The following SCPPPQ1 variants were observed in gnomAD, a reference collection of about 807,000 sequenced individuals.
The protein encoded by SCPPPQ1 is secretory calcium-binding phosphoprotein proline- and glutamine-rich 1.
chr4:87,461,021 T>C, the SCPPPQ1 span: 2 of 152,656 alleles, frequency 1.3e-5, no homozygotes, highest in Non-Finnish European at 2.9e-5. Context: ...GTTTCAGATA[T>C]TCCTAGAGGA....
At chr4:87,468,716 T>C in the SCPPPQ1 span, among the ~76,000 whole-genome samples, 1 of 152,238 alleles carries the variant, frequency 6.6e-6, no homozygotes, top group East Asian at 1.9e-4. Context: ...CAAATTGTGT[T>C]TTTAAGACAC....
the SCPPPQ1 span, among the ~76,000 whole-genome samples, chr4:87,465,559 CAAAAAAAAAAAAAAA>C: frequency 6.0e-4 from 59 of 98,302 alleles, no homozygotes; most frequent in Admixed American, 1.8e-3. Context: ...TAGAAATCTA[CAAAAAAAAAAAAAAA>C]AAAAAAAAAA....
the SCPPPQ1 span, among the ~76,000 whole-genome samples, chr4:87,466,802 G>A: frequency 6.6e-6 from 1 of 152,050 alleles, no homozygotes; most frequent in African/African-American, 2.4e-5. Flanking sequence ...GAGGTGGGAG[G>A]ATCACTTGAG....
At chr4:87,463,324 A>C in the SCPPPQ1 span, among the ~76,000 whole-genome samples, 1 of 116,636 alleles carries the variant, frequency 8.6e-6, no homozygotes, top group Admixed American at 8.0e-5. Flanking sequence ...AAGTTAAAAA[A>C]AAAAACAACA....
At chr4:87,461,039 T>A in the SCPPPQ1 span, 1 of 152,684 alleles carries the variant, frequency 6.5e-6, no homozygotes, top group Non-Finnish European at 1.5e-5. Context: ...GGAAGATCTA[T>A]CTGCTATATC....
chr4:87,470,735 T>G, the SCPPPQ1 span, among the ~76,000 whole-genome samples: 2 of 152,246 alleles, frequency 1.3e-5, no homozygotes, highest in Non-Finnish European at 2.9e-5. Flanking sequence ...AGGCAAGTTA[T>G]ATCTATAAAT....
the SCPPPQ1 span, among the ~76,000 whole-genome samples, chr4:87,464,147 T>G: frequency 7.9e-5 from 12 of 152,142 alleles, no homozygotes; most frequent in Non-Finnish European, 1.5e-4. Flanking sequence ...TATATGGACT[T>G]TATAGAATAA....
At chr4:87,466,304 A>C in the SCPPPQ1 span, among the ~76,000 whole-genome samples, 1 of 151,958 alleles carries the variant, frequency 6.6e-6, no homozygotes, top group Non-Finnish European at 1.5e-5. Context: ...TGGGAGGCGG[A>C]GGTTGCAGTG....
At chr4:87,465,889 C>A in the SCPPPQ1 span, among the ~76,000 whole-genome samples, 1 of 145,244 alleles carries the variant, frequency 6.9e-6, no homozygotes, top group Non-Finnish European at 1.5e-5. Context: ...TTTTACAAAT[C>A]TACCACTTTC....
the SCPPPQ1 span, among the ~76,000 whole-genome samples, chr4:87,462,981 A>G: frequency 7.0e-6 from 1 of 143,584 alleles, no homozygotes; most frequent in South Asian, 2.3e-4. Flanking sequence ...CCTGGGTGAC[A>G]GAGCAAGACT....
chr4:87,461,966 C>A, the SCPPPQ1 span: 4 of 152,128 alleles, frequency 2.6e-5, no homozygotes, highest in African/African-American at 9.7e-5. Flanking sequence ...ATTTTACTAA[C>A]CATACGTAAC....
chr4:87,467,227 C>T, the SCPPPQ1 span, among the ~76,000 whole-genome samples: 2 of 152,094 alleles, frequency 1.3e-5, no homozygotes, highest in Admixed American at 1.3e-4. Context: ...CTGTTTGTAC[C>T]TCAAGCACTC....
the SCPPPQ1 span, among the ~76,000 whole-genome samples, chr4:87,468,947 A>C: frequency 6.6e-6 from 1 of 152,218 alleles, no homozygotes; most frequent in African/African-American, 2.4e-5. Context: ...TTTTTATCCA[A>C]ATCTGGTTTT....
At chr4:87,465,016 A>G in the SCPPPQ1 span, among the ~76,000 whole-genome samples, 1 of 152,172 alleles carries the variant, frequency 6.6e-6, no homozygotes, top group Non-Finnish European at 1.5e-5. Context: ...GTAACCTTAA[A>G]TCTATTTCAA....
chr4:87,468,168 G>C, the SCPPPQ1 span, among the ~76,000 whole-genome samples: 6 of 152,174 alleles, frequency 3.9e-5, no homozygotes, highest in East Asian at 1.2e-3. Context: ...AAAGCAGTTG[G>C]ATATCTAATA....
At chr4:87,463,659 C>T in the SCPPPQ1 span, among the ~76,000 whole-genome samples, 1 of 152,072 alleles carries the variant, frequency 6.6e-6, no homozygotes, top group South Asian at 2.1e-4. Flanking sequence ...GAAATATTTT[C>T]TTTCTACAGC....
the SCPPPQ1 span, among the ~76,000 whole-genome samples, chr4:87,464,077 G>A: frequency 6.6e-6 from 1 of 152,096 alleles, no homozygotes; most frequent in Non-Finnish European, 1.5e-5. Context: ...GTTCTGTTAG[G>A]GTGCCTTTCT....
At chr4:87,469,095 G>A in the SCPPPQ1 span, among the ~76,000 whole-genome samples, 1 of 152,182 alleles carries the variant, frequency 6.6e-6, no homozygotes, top group Admixed American at 6.5e-5. Context: ...TCTACAATGA[G>A]GTAGATAGTC....
At chr4:87,465,556 CTACAAAAA>C in the SCPPPQ1 span, among the ~76,000 whole-genome samples, 1 of 27,548 alleles carries the variant, frequency 3.6e-5, no homozygotes, top group African/African-American at 2.1e-4. Flanking sequence ...GAATAGAAAT[CTACAAAAA>C]AAAAAAAAAA....
Sources: gnomAD v4.1 joint callset for allele counts (sites outside exome capture counted in the v4.1 genomes callset) on GRCh38, gnomAD v4.1.1 for gene constraint, MANE v1.5 for transcripts, NCBI Gene and HGNC (gene_info 2026-07-23, HGNC 2026-07-21) for gene names.